The following ALK variants were observed in gnomAD, a reference collection of about 807,000 sequenced individuals.
The protein encoded by ALK is ALK receptor tyrosine kinase.
A neutral mutation model predicts 163.1 loss-of-function variants in ALK; 74 were observed. That is an observed-to-expected ratio of 0.45 (90% CI 0.38 to 0.55). The LOEUF (loss-of-function observed/expected upper bound fraction) is 0.55, where lower values mean the gene tolerates loss of function less well. Among genes scored for constraint, ALK ranks in the 20% least tolerant of loss-of-function variants. The probability of loss-of-function intolerance (pLI) is 0.00; values close to 1 mark genes in which losing one functional copy is unlikely to be tolerated. For synonymous variants in ALK, 960 were observed against 843.2 expected (o/e 1.14, Z -2.40); for missense variants, 2,063 against 2,105.3 (o/e 0.98, Z 0.39).
At chr2:29,800,708 G>A (rs953088320) in intron 1 of ALK, among the ~76,000 whole-genome samples, 1 of 152,210 alleles carries the variant, frequency 6.6e-6, no homozygotes, top group African/African-American at 2.4e-5. Context: ...TTCTCTTTGA[G>A]ATGCAAGGAG....
intron 4 of ALK, among the ~76,000 whole-genome samples, chr2:29,479,910 A>T (rs2148117266): frequency 6.6e-6 from 1 of 152,344 alleles, no homozygotes; most frequent in African/African-American, 2.4e-5. Flanking sequence ...GGTACAGGAA[A>T]TCTTTGACCT....
chr2:29,267,767 CT>C, intron 11 of ALK, among the ~76,000 whole-genome samples: 1 of 152,274 alleles, frequency 6.6e-6, no homozygotes, highest in East Asian at 1.9e-4. Flanking sequence ...ACCACTGAAG[CT>C]TTGCTGCAAC....
chr2:29,859,424 C>A (rs1334865849), intron 1 of ALK, among the ~76,000 whole-genome samples: 1 of 152,214 alleles, frequency 6.6e-6, no homozygotes, highest in Non-Finnish European at 1.5e-5. Context: ...GCCAAAACTG[C>A]TGAGAACAAA....
chr2:29,714,225 G>T (rs955485488), intron 2 of ALK, among the ~76,000 whole-genome samples: 1 of 152,114 alleles, frequency 6.6e-6, no homozygotes, highest in Admixed American at 6.6e-5. Context: ...GGAATGTGCA[G>T]CCCTCTGCTC....
At chr2:29,606,318 T>C (rs1264995633) in intron 3 of ALK, among the ~76,000 whole-genome samples, 1 of 152,148 alleles carries the variant, frequency 6.6e-6, no homozygotes, top group Non-Finnish European at 1.5e-5. Context: ...CCAAACAGTT[T>C]TATAAAAATG....
At chr2:29,336,054 A>C (rs778369311) in intron 5 of ALK, among the ~76,000 whole-genome samples, 17 of 151,872 alleles carry the variant, frequency 1.1e-4, no homozygotes, top group Non-Finnish European at 1.9e-4. Flanking sequence ...AAACAAACAA[A>C]CAACAACAAC....
At chr2:29,378,142 C>T (rs78843933) in intron 5 of ALK, among the ~76,000 whole-genome samples, 2,151 of 152,286 alleles carry the variant, frequency 0.014, 20 homozygotes, top group Middle Eastern at 0.027. Flanking sequence ...AGCTCTTTGT[C>T]TTCATATTGA....
chr2:29,413,558 G>A (rs1669784981), intron 4 of ALK, among the ~76,000 whole-genome samples: 1 of 151,958 alleles, frequency 6.6e-6, no homozygotes, highest in Non-Finnish European at 1.5e-5. Context: ...TTAAGACAGA[G>A]CGTCACTCTT....
chr2:29,741,574 A>T (rs551772310), intron 1 of ALK, among the ~76,000 whole-genome samples: 6 of 152,350 alleles, frequency 3.9e-5, no homozygotes, highest in African/African-American at 1.4e-4. Context: ...AAGAGGTCAG[A>T]TCCATTCAAA....
chr2:29,537,256 T>A (rs937221312), intron 3 of ALK, among the ~76,000 whole-genome samples: 1 of 152,208 alleles, frequency 6.6e-6, no homozygotes, highest in Non-Finnish European at 1.5e-5. Flanking sequence ...GGACAGCCCC[T>A]CTGATCACAG....
intron 1 of ALK, among the ~76,000 whole-genome samples, chr2:29,780,461 G>C (rs916020400): frequency 3.9e-5 from 6 of 152,224 alleles, no homozygotes; most frequent in Admixed American, 2.0e-4. Flanking sequence ...AACTGAGCAT[G>C]GAACAAAACT....
chr2:29,648,253 C>T (rs1387292641), intron 3 of ALK, among the ~76,000 whole-genome samples: 1 of 152,154 alleles, frequency 6.6e-6, no homozygotes, highest in Non-Finnish European at 1.5e-5. Flanking sequence ...AGTTAGTACT[C>T]TAGGCTTACA....
intron 5 of ALK, among the ~76,000 whole-genome samples, chr2:29,339,688 G>A (rs1363748616): frequency 6.6e-6 from 1 of 152,204 alleles, no homozygotes; most frequent in Admixed American, 6.5e-5. Context: ...TGAGGCTGGT[G>A]ACATAGAGAT....
At chr2:29,221,105 G>A (rs766627017) in intron 22 of ALK, 1 of 601,526 alleles carries the variant, frequency 1.7e-6, no homozygotes, top group African/African-American at 1.8e-5. Context: ...CTTGGGTGAG[G>A]AAGTGTCTCA....
chr2:29,670,344 C>T (rs1352774548), intron 3 of ALK, among the ~76,000 whole-genome samples: 2 of 152,034 alleles, frequency 1.3e-5, no homozygotes, highest in Non-Finnish European at 2.9e-5. Context: ...TCATTCCATT[C>T]CTTCCTGGCC....
intron 4 of ALK, among the ~76,000 whole-genome samples, chr2:29,384,651 AGT>A (rs56101801): frequency 2.0e-5 from 3 of 150,658 alleles, no homozygotes; most frequent in Non-Finnish European, 3.0e-5. Context: ...AATGTCTGCG[AGT>A]GTGTGTGTGT....
intron 6 of ALK, among the ~76,000 whole-genome samples, chr2:29,323,966 A>G (rs1310076053): frequency 6.6e-6 from 1 of 152,222 alleles, no homozygotes; most frequent in African/African-American, 2.4e-5. Flanking sequence ...CTCATCACCT[A>G]TGAATCTGTA....
chr2:29,878,046 C>A (rs992813133), intron 1 of ALK, among the ~76,000 whole-genome samples: 5 of 152,204 alleles, frequency 3.3e-5, no homozygotes, highest in Non-Finnish European at 5.9e-5. Flanking sequence ...GGGAGAAAAG[C>A]TGAGTAGAAC....
chr2:29,777,637 G>C (rs1382951179), intron 1 of ALK, among the ~76,000 whole-genome samples: 1 of 152,164 alleles, frequency 6.6e-6, no homozygotes, highest in Admixed American at 6.5e-5. Context: ...TATCTCATAA[G>C]ATGAGGGACA....
Sources: gnomAD v4.1 joint callset for allele counts (sites outside exome capture counted in the v4.1 genomes callset) on GRCh38, gnomAD v4.1.1 for gene constraint, MANE v1.5 for transcripts, NCBI Gene and HGNC (gene_info 2026-07-23, HGNC 2026-07-21) for gene names.